The following SDK1 variants were observed in gnomAD, a reference collection of about 807,000 sequenced individuals.
SDK1 encodes sidekick cell adhesion molecule 1.
In SDK1, 157 loss-of-function variants were observed where a neutral mutation model predicts 245.5. That is an observed-to-expected ratio of 0.64 (90% CI 0.56 to 0.73). The LOEUF is 0.73. SDK1 is among the 30% of genes least tolerant of loss of function. SDK1 has a pLI of 0.00. For missense variants in SDK1, 3,583 were observed against 3,002.3 expected, an observed-to-expected ratio of 1.19 and a Z score of -4.52; for synonymous variants, 1,647 against 1,278.5, an observed-to-expected ratio of 1.29 and a Z score of -6.15.
At chr7:3,647,413 A>G (rs1782884307) in intron 4 of SDK1, among the ~76,000 whole-genome samples, 1 of 152,144 alleles carries the variant, frequency 6.6e-6, no homozygotes, top group Non-Finnish European at 1.5e-5. Context: ...TAGCAAATAC[A>G]TCAAGCTCTT....
intron 1 of SDK1, among the ~76,000 whole-genome samples, chr7:3,358,769 A>G (rs1036609487): frequency 2.0e-5 from 3 of 152,228 alleles, no homozygotes; most frequent in African/African-American, 7.2e-5. Flanking sequence ...GCGCTACAGT[A>G]AATAAGAATG....
At chr7:4,251,872 T>A (rs982219866) in intron 44 of SDK1, among the ~76,000 whole-genome samples, 5 of 152,220 alleles carry the variant, frequency 3.3e-5, no homozygotes, top group Admixed American at 3.3e-4. Flanking sequence ...TTTATCTGGT[T>A]GAGTTTGGTG....
intron 1 of SDK1, among the ~76,000 whole-genome samples, chr7:3,454,763 G>A (rs1167981997): frequency 6.6e-6 from 1 of 152,126 alleles, no homozygotes; most frequent in Non-Finnish European, 1.5e-5. Context: ...GGACATCTAG[G>A]TTACTTTCAG....
intron 1 of SDK1, among the ~76,000 whole-genome samples, chr7:3,522,491 T>C (rs1214479890): frequency 6.6e-6 from 1 of 152,088 alleles, no homozygotes; most frequent in Non-Finnish European, 1.5e-5. Flanking sequence ...AAATAAATAC[T>C]TGGGAGTTCC....
In SDK1 at chr7:3,990,942, C is replaced by T. The variant is rs117250126; in HGVS notation, c.2131+3620C>T. ...GCAGGTTTCGTGTGTAACTATCCAG[C>T]CAGCCACCTACCTGTTACAGCGGTG... On this transcript the variant is annotated intron_variant, in intron 14 of 44. Coordinates refer to ENST00000404826, the MANE Select transcript of SDK1 (RefSeq NM_152744.4). 3.9e-3 allele frequency among the ~76,000 whole-genome samples: 590 copies of T among 152,320 alleles called. 11 individuals carry two copies. The South Asian group carries it at 0.053, about 14-fold the overall frequency.
intron 13 of SDK1, among the ~76,000 whole-genome samples, chr7:3,979,192 T>G (rs76134773): frequency 0.013 from 1,941 of 152,278 alleles, 83 homozygotes; most frequent in East Asian, 0.073. Context: ...AGACTGGGCA[T>G]GGTATCATTC....
Position 3,461,199 on chromosome 7 carries a change from C to T in SDK1, c.299-157881C>T, listed in dbSNP as rs191870048. On this transcript the variant is annotated intron_variant, in intron 1 of 44. Coordinates refer to ENST00000404826, the MANE Select transcript of SDK1 (RefSeq NM_152744.4). ...CCTAGGACCCAGCATTTACCTTAGGCGGTCTTACTGTTGTTGCATCTTGGC... is the reference window on the plus strand; with the variant it reads ...CCTAGGACCCAGCATTTACCTTAGGTGGTCTTACTGTTGTTGCATCTTGGC... Among the ~76,000 whole-genome samples, 247 of 152,228 alleles carry T rather than the reference C, an allele frequency of 1.6e-3. 5 individuals are homozygous for T. Among genetic ancestry groups the T allele is most frequent in the Non-Finnish European group, 3.2e-4 (22 of 68,004 alleles).
At chr7:3,405,159 CA>C (rs751705504) in intron 1 of SDK1, among the ~76,000 whole-genome samples, 19 of 124,000 alleles carry the variant, frequency 1.5e-4, no homozygotes, top group Admixed American at 3.0e-4. Context: ...AAAAAAAAAC[CA>C]AAAAAAAAAA....
chr7:3,335,878 A>T (rs909959226), intron 1 of SDK1, among the ~76,000 whole-genome samples: 1 of 152,160 alleles, frequency 6.6e-6, no homozygotes, highest in Non-Finnish European at 1.5e-5. Flanking sequence ...TAGGACTCAA[A>T]ATCCCTGGAC....
intron 1 of SDK1, among the ~76,000 whole-genome samples, chr7:3,565,967 C>A (rs1219910764): frequency 2.6e-5 from 4 of 151,920 alleles, no homozygotes; most frequent in African/African-American, 9.7e-5. Context: ...CTAGTAGTAT[C>A]CAATTAAAAA....
At chr7:3,526,808 C>T (rs990973554) in intron 1 of SDK1, among the ~76,000 whole-genome samples, 1 of 152,150 alleles carries the variant, frequency 6.6e-6, no homozygotes, top group East Asian at 1.9e-4. Flanking sequence ...GATGCATATA[C>T]AAACCACTAG....
At chr7:3,584,530 C>G (rs1780617863) in intron 1 of SDK1, among the ~76,000 whole-genome samples, 1 of 152,138 alleles carries the variant, frequency 6.6e-6, no homozygotes, top group African/African-American at 2.4e-5. Context: ...GAGAGTTGAA[C>G]CTTTATCAAT....
At chr7:4,149,497 C>T (rs768787399) in intron 30 of SDK1, 34 bp downstream of exon 30, 13 of 1,380,520 alleles carry the variant, frequency 9.4e-6, no homozygotes, top group South Asian at 6.6e-5. Context: ...CCCCGGGGAA[C>T]GGGGCCCTGG....
intron 4 of SDK1, among the ~76,000 whole-genome samples, chr7:3,700,745 T>A (rs1214485442): frequency 1.3e-5 from 2 of 152,164 alleles, no homozygotes; most frequent in Non-Finnish European, 2.9e-5. Context: ...CCAATGAAAA[T>A]GTAGAGACAA....
intron 3 of SDK1, 32 bp from the exon 4 acceptor site, chr7:3,641,926 T>C: frequency 6.3e-7 from 1 of 1,594,822 alleles, no homozygotes; most frequent in Non-Finnish European, 8.5e-7. Flanking sequence ...AAATGTTTTC[T>C]AGAACTTGAA....
At chr7:3,513,312 C>T (rs530031025) in intron 1 of SDK1, among the ~76,000 whole-genome samples, 3 of 152,076 alleles carry the variant, frequency 2.0e-5, no homozygotes, top group South Asian at 2.1e-4. Flanking sequence ...ATGACAGAGT[C>T]GAATAAAGAG....
chr7:3,739,159 T>A (rs2115050001), intron 4 of SDK1, among the ~76,000 whole-genome samples: 1 of 152,290 alleles, frequency 6.6e-6, no homozygotes, highest in South Asian at 2.1e-4. Flanking sequence ...GAGAAGTCAT[T>A]CATTCATCTT....
intron 22 of SDK1, among the ~76,000 whole-genome samples, chr7:4,098,124 A>C (rs1283404531): frequency 6.6e-6 from 1 of 152,158 alleles, no homozygotes; most frequent in Non-Finnish European, 1.5e-5. Context: ...TACAAAATCT[A>C]TATGAGATGA....
chr7:3,337,461 CAA>C (rs35301702), intron 1 of SDK1, among the ~76,000 whole-genome samples: 1 of 142,294 alleles, frequency 7.0e-6, no homozygotes, highest in Non-Finnish European at 1.5e-5. Flanking sequence ...AGAGTGGGAC[CAA>C]AAAAAAAAAA....
Sources: allele counts gnomAD v4.1 joint callset (sites outside exome capture counted in the v4.1 genomes callset), GRCh38; gene constraint gnomAD v4.1.1; transcripts MANE v1.5; gene names NCBI Gene and HGNC (gene_info 2026-07-23, HGNC 2026-07-21).